Variants in SMARCE1 observed in about 807,000 individuals in gnomAD.
The protein encoded by SMARCE1 is SWI/SNF-related matrix-associated actin-dependent regulator of chromatin subfamily E member 1.
A neutral mutation model predicts 54.9 loss-of-function variants in SMARCE1; 13 were observed. The ratio of observed to expected loss-of-function variants is 0.24; its 90% CI spans 0.15 to 0.38. The LOEUF is 0.38. Ranked by LOEUF, SMARCE1 falls within the 10% of genes least tolerant of loss-of-function variation. The pLI, the probability that SMARCE1 is intolerant of heterozygous loss-of-function variation, is 1.00. For missense variants in SMARCE1, 295 were observed against 523.8 expected (o/e 0.56, Z 4.26); for synonymous variants, 151 against 175.3 (o/e 0.86, Z 1.10).
At chr17:40,636,708 C>A (rs781017499) in intron 5 of SMARCE1, 182 bp from the exon 6 acceptor site, 5 of 534,056 alleles carry the variant, frequency 9.4e-6, no homozygotes, top group Non-Finnish European at 1.7e-5. Flanking sequence ...TATCTTTGCC[C>A]TACTGGATTA....
intron 10 of SMARCE1, chr17:40,629,545 T>C: frequency 8.2e-7 from 1 of 1,222,914 alleles, no homozygotes; most frequent in East Asian, 3.2e-5. Context: ...AGACACTTTG[T>C]TTAAAGTCAT....
At position 40,642,616 on chromosome 17, in the gene SMARCE1, A is replaced by T; in HGVS notation, c.52-57T>A. The T allele has an allele frequency of 9.1e-7, 1 of 1,097,290 alleles. No individual in the cohort carries two copies. Among genetic ancestry groups the T allele is most frequent in the East Asian group, 2.4e-5 (1 of 42,002 alleles). The allele number at this position is 1,097,290 out of a possible 1,614,324, so 68.0% of individuals were successfully genotyped here. A position where few individuals can be genotyped will look rare whatever the true frequency, so the allele number is the denominator to read the frequency against. ...TGAGAAATGAGCTCAAACGAGGAAA[A>T]CACAGAAATGAAAAATGATCTGCAT... On this transcript the variant is annotated intron_variant, in intron 3 of 10. Transcript: ENST00000348513. The surrounding 1 kb of genome is among the most constrained non-coding windows in gnomAD (Gnocchi z 4.6).
chr17:40,646,671 T>C (rs566205796), intron 1 of SMARCE1, among the ~76,000 whole-genome samples: 20 of 152,368 alleles, frequency 1.3e-4, no homozygotes, highest in Admixed American at 1.3e-3. Flanking sequence ...CAGGCACATG[T>C]GAGCTTGTTC....
In SMARCE1 at chr17:40,636,497, A is replaced by G. The variant is rs1460253575; in HGVS notation, c.267T>C (p.Pro89=). 5 of 1,612,314 alleles carry G rather than the reference A, an allele frequency of 3.1e-6. No homozygotes were observed. In the African/African-American group the frequency reaches 5.3e-5, roughly 17 times the overall value. The change falls in exon 6 of 11, where the codon CCT becomes CCC. Residue 89 remains proline (P), a synonymous_variant. Coordinates refer to ENST00000348513, the MANE Select transcript of SMARCE1 (RefSeq NM_003079.5). ...KVWDQVKASN[P]DLKLWEIGKI... ...TGCCAATCTCCCACAACTTTAGGTC[A>G]GGGTTGGAAGCCTTTACTTGGTCCC...
At chr17:40,640,689 C>T (rs1483600577) in intron 4 of SMARCE1, 1 of 152,178 alleles carries the variant, frequency 6.6e-6, no homozygotes, top group Admixed American at 6.5e-5. Context: ...CTAGGCCCTT[C>T]TTCATATAGC....
rs62622817 is a variant in SMARCE1, at chr17:40,628,790, C to A, written c.1231G>T (p.Glu411Ter). 1,243 of 1,612,022 alleles carry A rather than the reference C, an allele frequency of 7.7e-4. 6 individuals are homozygous for A. In the African/African-American group the frequency reaches 0.014, roughly 18 times the overall value. ...TDPIPEDEKKE is the reference protein window; with the variant it reads ...TDPIPEDEKK Reference sequence around the variant, plus strand: ...CACACAAAACAAGGCAACACTTATTCTTTTTTCTCATCTTCTGGTATGGGA... The same window carrying A: ...CACACAAAACAAGGCAACACTTATTATTTTTTCTCATCTTCTGGTATGGGA... Residue 411 changes from glutamate to a stop codon, truncating the protein, a stop_gained, in exon 11 of 11, where the codon GAA becomes TAA. Transcript: ENST00000348513. LOFTEE classifies it high-confidence loss of function.
rs1326004155 is a variant in SMARCE1 at position 40,625,446 on chromosome 17, G to GT, written c.*3338dup. The GT allele has an allele frequency of 6.6e-6, 1 of 152,224 alleles. No individual in the cohort carries two copies. Among genetic ancestry groups the GT allele is most frequent in the Non-Finnish European group, 1.5e-5 (1 of 68,046 alleles). The allele number at this position is 152,224 out of a possible 1,614,324, so 9.4% of individuals were successfully genotyped here. ...TTGTTCCAGCAAGGTTTGCCCAGCG[G>GT]TAAAAAACAAGATAAAACTAATGCA... On this transcript the variant is annotated 3_prime_UTR_variant, in exon 11 of 11. Transcript: ENST00000348513.
chr17:40,643,399 CT>C (rs1290870465), intron 3 of SMARCE1: 1 of 152,160 alleles, frequency 6.6e-6, no homozygotes, highest in African/African-American at 2.4e-5. Context: ...AGCTCTCACC[CT>C]TTCAAAATAC....
In SMARCE1 at chr17:40,627,849, T is replaced by G. The variant is rs558036657; in HGVS notation, c.*936A>C. 3.3e-5 allele frequency: 5 copies of G among 152,774 alleles called. No individual in the cohort carries two copies. Among genetic ancestry groups the G allele is most frequent in the African/African-American group, 9.6e-5 (4 of 41,580 alleles). 9.5% of individuals were successfully genotyped at this position (152,774 alleles called of 1,614,324 possible). A position where few individuals can be genotyped will look rare whatever the true frequency, so the allele number is the denominator to read the frequency against. On this transcript the variant is annotated 3_prime_UTR_variant, in exon 11 of 11. Coordinates refer to ENST00000348513, the MANE Select transcript of SMARCE1 (RefSeq NM_003079.5). ...CTATCTTGCTTCTAGTCTCCAAGAC[T>G]TTACTAAGTTTATCAAAAAGGTGGG... is the stretch of plus-strand genomic sequence containing the variant.
In SMARCE1 at chr17:40,626,471, C is replaced by G. The variant is rs1024390802; in HGVS notation, c.*2314G>C. On this transcript the variant is annotated 3_prime_UTR_variant, in exon 11 of 11. Coordinates refer to ENST00000348513, the MANE Select transcript of SMARCE1 (RefSeq NM_003079.5). ...AAAAAACAAAGACCTCTACCATATC[C>G]CACATTCTCTAAACTGAGAACCATC... 6.6e-6 allele frequency: 1 copy of G among 152,166 alleles called. No individual in the cohort carries two copies. The highest frequency in any genetic ancestry group is 2.4e-5 in the African/African-American group (1 of 41,428). The allele number at this position is 152,166 out of a possible 1,614,324, so 9.4% of individuals were successfully genotyped here.
intron 10 of SMARCE1, chr17:40,630,165 TATGTAA>T: frequency 1.0e-6 from 1 of 999,730 alleles, no homozygotes; most frequent in Non-Finnish European, 1.5e-6. Context: ...ATCAGTACTT[TATGTAA>T]GTTTTATTTA....
chr17:40,646,752 T>A (rs2144017309), intron 1 of SMARCE1, among the ~76,000 whole-genome samples: 1 of 152,248 alleles, frequency 6.6e-6, no homozygotes, highest in East Asian at 1.9e-4. Context: ...AGAAGGCAAA[T>A]AAACTTCTAT....
In SMARCE1 at chr17:40,627,684, T is replaced by C. The variant is rs1168961841; in HGVS notation, c.*1101A>G. ...TGGATGCTTGTCTTGCATACAAATA[T>C]GTAGTGCATTAAAAACACTGAGACC... On this transcript the variant is annotated 3_prime_UTR_variant, in exon 11 of 11. Coordinates refer to ENST00000348513, the MANE Select transcript of SMARCE1 (RefSeq NM_003079.5). 1 of 151,572 alleles carries C rather than the reference T, an allele frequency of 6.6e-6. No individual in the cohort carries two copies. Among genetic ancestry groups the C allele is most frequent in the East Asian group, 2.0e-4 (1 of 5,114 alleles). 9.4% of individuals were successfully genotyped at this position (151,572 alleles called of 1,614,324 possible).
Position 40,642,155 on chromosome 17 carries a change from A to G in SMARCE1, c.156+300T>C. Reference sequence around the variant, plus strand: ...AAAAATACTCTTTATGTCAAAAAGGATATTTTTACCTTAAGAAATTCTGTT... The same window carrying G: ...AAAAATACTCTTTATGTCAAAAAGGGTATTTTTACCTTAAGAAATTCTGTT... On this transcript the variant is annotated intron_variant, in intron 4 of 10. Coordinates refer to ENST00000348513, the MANE Select transcript of SMARCE1 (RefSeq NM_003079.5). This position sits in a 1 kb window ranked among gnomAD's most constrained non-coding sequence, Gnocchi z 4.6. 1 of 517,276 alleles carries G rather than the reference A, an allele frequency of 1.9e-6. No individual in the cohort carries two copies. The highest frequency in any genetic ancestry group is 3.4e-6 in the Non-Finnish European group (1 of 298,378). The allele number at this position is 517,276 out of a possible 1,614,324, so 32.0% of individuals were successfully genotyped here.
intron 10 of SMARCE1, chr17:40,629,542 T>G: frequency 8.2e-7 from 1 of 1,223,502 alleles, no homozygotes; most frequent in Non-Finnish European, 1.0e-6. Context: ...TTTAGACACT[T>G]TGTTTAAAGT....
At position 40,628,767 on chromosome 17, in the gene SMARCE1, C is replaced by T. The variant is rs748321156; in HGVS notation, c.*18G>A. 4 of 1,593,996 alleles carry T rather than the reference C, an allele frequency of 2.5e-6. No homozygotes were observed. The highest frequency in any genetic ancestry group is 2.2e-5 in the South Asian group (2 of 90,634). On this transcript the variant is annotated 3_prime_UTR_variant, in exon 11 of 11. Transcript: ENST00000348513. ...TTCATTAAAAAAAGTATTTAGAACACACAAAACAAGGCAACACTTATTCTT... is the reference window on the plus strand; with the variant it reads ...TTCATTAAAAAAAGTATTTAGAACATACAAAACAAGGCAACACTTATTCTT...
In SMARCE1 at chr17:40,627,022, G is replaced by A. The variant is rs1567844069; in HGVS notation, c.*1763C>T. On this transcript the variant is annotated 3_prime_UTR_variant, in exon 11 of 11. Coordinates refer to ENST00000348513, the MANE Select transcript of SMARCE1 (RefSeq NM_003079.5). ...TTTCGATACCACAGTAAATAACCTG[G>A]TATCTTGCTGGGGCAGTTTTCCACC... 1 of 152,064 alleles carries A rather than the reference G, an allele frequency of 6.6e-6. No homozygotes were observed. The highest frequency in any genetic ancestry group is 1.5e-5 in the Non-Finnish European group (1 of 68,028). The allele number at this position is 152,064 out of a possible 1,614,324, so 9.4% of individuals were successfully genotyped here.
Position 40,636,467 on chromosome 17 carries a change from A to G in SMARCE1, c.297T>C (p.Ile99=). ...PDLKLWEIGK[I]IGGMWRDLTD... ...TGAGATCTCGCCACATGCCACCAAT[A>G]ATCTTGCCAATCTCCCACAACTTTA... Residue 99 remains isoleucine, a synonymous_variant, in exon 6 of 11, where the codon ATT becomes ATC. Transcript: ENST00000348513. The G allele has an allele frequency of 6.2e-7, 1 of 1,612,198 alleles. No homozygotes were observed. The highest frequency in any genetic ancestry group is 8.5e-7 in the Non-Finnish European group (1 of 1,178,846).
rs768981981 is a variant in SMARCE1, at chr17:40,632,223, C to T, written c.686G>A (p.Arg229Gln). The change falls in exon 8 of 11, where the codon CGG becomes CAG. Residue 229 changes from arginine to glutamine, a missense_variant. Physicochemically the swap from Arg to Gln is conservative, Grantham distance 43. Around this residue, in one of 5 missense-constraint regions of SMARCE1, gnomAD observed 101 missense variants for 183.1 expected, o/e 0.55. Transcript: ENST00000348513. ...ATGAACCATTAAGGACTGGACCTGC[C>T]GTTTGAGGACCTGCATTCTAGCTGT... is the stretch of plus-strand genomic sequence containing the variant. ...VTTARMQVLK[R>Q]QVQSLMVHQR... 4 of 1,613,366 alleles carry T rather than the reference C, an allele frequency of 2.5e-6. No homozygotes were observed. The highest frequency in any genetic ancestry group is 3.4e-6 in the Non-Finnish European group (4 of 1,179,766).
Sources: allele counts gnomAD v4.1 joint callset (sites outside exome capture counted in the v4.1 genomes callset), GRCh38; gene constraint gnomAD v4.1.1; regional missense constraint gnomAD v4.1.1; non-coding constraint Gnocchi (gnomAD v3.1); transcripts MANE v1.5; gene names NCBI Gene and HGNC (gene_info 2026-07-23, HGNC 2026-07-21).